Variants in FNDC3B observed in about 807,000 individuals in gnomAD.
FNDC3B encodes the protein fibronectin type III domain containing 3B.
FNDC3B carries 12 observed loss-of-function variants against 151.5 expected under a neutral mutation model. The ratio of observed to expected loss-of-function variants is 0.08; its 90% CI spans 0.05 to 0.13. The LOEUF is 0.13. Among genes scored for constraint, FNDC3B ranks in the 10% least tolerant of loss-of-function variants. The pLI, the probability that FNDC3B is intolerant of heterozygous loss-of-function variation, is 1.00. For missense variants in FNDC3B, 1,214 were observed against 1,505.3 expected (o/e 0.81, Z 3.20); for synonymous variants, 528 against 549.0 (o/e 0.96, Z 0.54).
intron 23 of FNDC3B, 66 bp from the exon 24 acceptor site, chr3:172,378,204 A>C: frequency 1.4e-6 from 2 of 1,418,346 alleles, no homozygotes; most frequent in Middle Eastern, 1.9e-4. Context: ...ATTAGTTTGC[A>C]TCATAATTAA....
chr3:172,074,545 C>T (rs56263062), intron 1 of FNDC3B, among the ~76,000 whole-genome samples: 1 of 152,188 alleles, frequency 6.6e-6, no homozygotes, highest in African/African-American at 2.4e-5. Flanking sequence ...AGCGAGATTT[C>T]TTGCTTGTGA....
chr3:172,362,375 A>AT (rs63198561), intron 22 of FNDC3B, among the ~76,000 whole-genome samples: 62,191 of 151,394 alleles, frequency 0.41, 14,403 homozygotes, highest in Non-Finnish European at 0.54. Flanking sequence ...CAACAAACCT[A>AT]TTTTTTTTAA....
intron 3 of FNDC3B, among the ~76,000 whole-genome samples, chr3:172,186,353 G>A (rs1442771522): frequency 1.3e-5 from 2 of 152,168 alleles, no homozygotes; most frequent in Non-Finnish European, 2.9e-5. Flanking sequence ...TTTGGGGTTT[G>A]AGCATGTTCC....
intron 21 of FNDC3B, among the ~76,000 whole-genome samples, chr3:172,348,080 A>C (rs757039032): frequency 1.3e-5 from 2 of 152,174 alleles, no homozygotes; most frequent in South Asian, 4.1e-4. Flanking sequence ...GCATTATAGT[A>C]CTTTGTACCA....
At chr3:172,089,886 T>C (rs1397214504) in intron 1 of FNDC3B, among the ~76,000 whole-genome samples, 1 of 152,180 alleles carries the variant, frequency 6.6e-6, no homozygotes, top group Non-Finnish European at 1.5e-5. Flanking sequence ...AATTCCCAGG[T>C]CGGCCATCTC....
At chr3:172,302,698 C>A (rs1394576523) in intron 9 of FNDC3B, 1 of 152,154 alleles carries the variant, frequency 6.6e-6, no homozygotes, top group East Asian at 1.9e-4. Flanking sequence ...TTACCCTATT[C>A]TTAACACAAA....
At chr3:172,181,395 C>CAAAAAAAAAAAAAAAAAAAAAAA (rs755223783) in intron 3 of FNDC3B, among the ~76,000 whole-genome samples, 1 of 71,532 alleles carries the variant, frequency 1.4e-5, no homozygotes, top group African/African-American at 6.2e-5. Flanking sequence ...ACTCTGTCTC[C>CAAAAAAAAAAAAAAAAAAAAAAA]AAAAAAAAAA....
At chr3:172,249,891 A>G (rs1304009465) in intron 5 of FNDC3B, among the ~76,000 whole-genome samples, 1 of 152,192 alleles carries the variant, frequency 6.6e-6, no homozygotes, top group Non-Finnish European at 1.5e-5. Flanking sequence ...CAGTTTTGTT[A>G]AATTATGCAG....
intron 13 of FNDC3B, 53 bp downstream of exon 13, chr3:172,330,768 T>TA: frequency 7.1e-7 from 1 of 1,406,726 alleles, no homozygotes; most frequent in East Asian, 2.3e-5. Flanking sequence ...TCAGTATTAT[T>TA]ATAGCTACAG....
At chr3:172,266,587 C>T (rs754115474) in intron 6 of FNDC3B, among the ~76,000 whole-genome samples, 16 of 152,296 alleles carry the variant, frequency 1.1e-4, no homozygotes, top group East Asian at 9.7e-4. Flanking sequence ...TTGGTAGGCC[C>T]GAGCTCCCTC....
chr3:172,108,433 A>G (rs903947715), intron 1 of FNDC3B, among the ~76,000 whole-genome samples: 7 of 152,240 alleles, frequency 4.6e-5, no homozygotes, highest in Non-Finnish European at 8.8e-5. Context: ...TTCCACATCC[A>G]TTGCTTCCTC....
At chr3:172,104,605 T>C (rs1434497942) in intron 1 of FNDC3B, among the ~76,000 whole-genome samples, 1 of 152,224 alleles carries the variant, frequency 6.6e-6, no homozygotes, top group Non-Finnish European at 1.5e-5. Context: ...TCCTGTCCAA[T>C]GGCAGTGTCC....
chr3:172,365,440 T>C (rs1340870568), intron 23 of FNDC3B, among the ~76,000 whole-genome samples: 1 of 152,208 alleles, frequency 6.6e-6, no homozygotes, highest in Non-Finnish European at 1.5e-5. Context: ...TACTTTTCTT[T>C]CTTACCTGCA....
chr3:172,308,783 A>G (rs1731317302), intron 10 of FNDC3B, among the ~76,000 whole-genome samples: 2 of 152,256 alleles, frequency 1.3e-5, no homozygotes, highest in African/African-American at 4.8e-5. Flanking sequence ...TTTAACACCC[A>G]ACTGGCATCA....
chr3:172,365,521 A>T (rs1342360914), intron 23 of FNDC3B, among the ~76,000 whole-genome samples: 2 of 152,214 alleles, frequency 1.3e-5, no homozygotes. Context: ...CCCAAAGAGC[A>T]TCTTGTGCGA....
At chr3:172,052,321 G>T (rs375162913) in intron 1 of FNDC3B, among the ~76,000 whole-genome samples, 14 of 151,528 alleles carry the variant, frequency 9.2e-5, no homozygotes, top group Admixed American at 3.3e-4. Flanking sequence ...CAAGCGATCC[G>T]CCCACCTTGG....
At chr3:172,328,429 A>T (rs556778597) in intron 11 of FNDC3B, among the ~76,000 whole-genome samples, 5 of 152,358 alleles carry the variant, frequency 3.3e-5, no homozygotes, top group Admixed American at 3.3e-4. Flanking sequence ...ATTGGAGGCC[A>T]CTGCATGGCA....
intron 6 of FNDC3B, among the ~76,000 whole-genome samples, chr3:172,269,989 T>C (rs2108801963): frequency 6.6e-6 from 1 of 152,312 alleles, no homozygotes; most frequent in South Asian, 2.1e-4. Context: ...AAATACATAT[T>C]CTTAGTCACT....
At chr3:172,055,440 T>C (rs1047896046) in intron 1 of FNDC3B, among the ~76,000 whole-genome samples, 3 of 152,212 alleles carry the variant, frequency 2.0e-5, no homozygotes, top group African/African-American at 7.2e-5. Flanking sequence ...GCTTATTATA[T>C]TCAATTTAAA....
Sources: allele counts gnomAD v4.1 joint callset (sites outside exome capture counted in the v4.1 genomes callset), GRCh38; gene constraint gnomAD v4.1.1; transcripts MANE v1.5; gene names NCBI Gene and HGNC (gene_info 2026-07-23, HGNC 2026-07-21).